RSRP1: variants seen among roughly 807,000 people sequenced by gnomAD.
RSRP1 encodes the protein arginine/serine-rich protein 1.
In RSRP1, 37 loss-of-function variants were observed where a neutral mutation model predicts 33.0. That is an observed-to-expected ratio of 1.12 (90% CI 0.86 to 1.48). RSRP1 has a LOEUF of 1.48. Ranked by LOEUF, RSRP1 falls within the 40% of genes most tolerant of loss-of-function variation. The pLI, the probability that RSRP1 is intolerant of heterozygous loss-of-function variation, is 0.00. For synonymous variants in RSRP1, 167 were observed against 158.7 expected, an observed-to-expected ratio of 1.05 and a Z score of -0.40; for missense variants, 402 against 385.3, an observed-to-expected ratio of 1.04 and a Z score of -0.36.
Position 25,272,800 on chromosome 1 carries a change from C to G in RSRP1, c.-66-25771G>C, listed in dbSNP as rs191342237. 171 of 1,279,584 alleles carry G rather than the reference C, an allele frequency of 1.3e-4. 18 individuals are homozygous for G. In the African/African-American group the frequency reaches 2.3e-3, roughly 17 times the overall value. 79.3% of individuals were successfully genotyped at this position (1,279,584 alleles called of 1,614,324 possible). A position where few individuals can be genotyped will look rare whatever the true frequency, so the allele number is the denominator to read the frequency against. Reference sequence around the variant, plus strand: ...ACAGATGTTCCTTTCTACAAAATCCCAAGGAAAAAGATTCCCCCATCTTCT... The same window carrying G: ...ACAGATGTTCCTTTCTACAAAATCCGAAGGAAAAAGATTCCCCCATCTTCT... On this transcript the variant is annotated intron_variant, in intron 1 of 1. Coordinates refer to the RSRP1 transcript ENST00000561867.
At chr1:25,251,539 T>C (rs1373349553), upstream of RSRP1, among the ~76,000 whole-genome samples, 1 of 152,034 alleles carries the variant, frequency 6.6e-6, no homozygotes, top group Non-Finnish European at 1.5e-5. Flanking sequence ...CTGGCTTATT[T>C]TGTATTTTTA....
rs1461250189 is a variant in RSRP1 at position 25,267,436 on chromosome 1, A to T, written c.-66-20407T>A. ...AGAAACCCTGCCTTAAACAAACAAC[A>T]AAGAAAAGCCAAGTCCCATAAGTGG... is the stretch of plus-strand genomic sequence containing the variant. On this transcript the variant is annotated intron_variant, in intron 1 of 1. Transcript: ENST00000561867. Among the ~76,000 whole-genome samples the T allele has an allele frequency of 7.1e-5, 9 of 126,126 alleles. 3 individuals are homozygous for T. The highest frequency in any genetic ancestry group is 1.7e-4 in the Non-Finnish European group (9 of 53,956). 82.7% of individuals were successfully genotyped at this position (126,126 alleles called of 152,430 possible).
In RSRP1 at chr1:25,246,522, G is replaced by T; in HGVS notation, c.442C>A (p.Pro148Thr). The change falls in exon 2 of 5, where the codon CCG becomes ACG. Residue 148 changes from proline to threonine, a missense_variant. Pro to Thr is a conservative substitution (Grantham distance 38). Transcript: ENST00000243189. ...TCCCTCCATCTGCTGTGCTCCTCCG[G>T]GTACACTGTGCGACCAAAGCCGTAG... ...RYYGFGRTVY[P>T]EEHSRWRDRS... 1 of 1,614,238 alleles carries T rather than the reference G, an allele frequency of 6.2e-7. No individual in the cohort carries two copies. Among genetic ancestry groups the T allele is most frequent in the South Asian group, 1.1e-5 (1 of 91,088 alleles).
rs1304691671 is a variant in RSRP1 at position 25,283,320 on chromosome 1, C to G, written c.-66-36291G>C. On this transcript the variant is annotated intron_variant, in intron 1 of 1. Coordinates refer to the RSRP1 transcript ENST00000561867. ...CCGAGGTGGGCAGATCACTTGAGGT[C>G]AGGAGTTCGAGACCAGCTTGGCCAA... Among the ~76,000 whole-genome samples, 19 of 131,724 alleles carry G rather than the reference C, an allele frequency of 1.4e-4. 1 individual carries two copies. The highest frequency in any genetic ancestry group is 4.9e-4 in the African/African-American group (19 of 38,584). The allele number at this position is 131,724 out of a possible 152,430, so 86.4% of individuals were successfully genotyped here.
intron 1 of RSRP1, among the ~76,000 whole-genome samples, chr1:25,315,728 C>T (rs1644405850): frequency 1.5e-5 from 2 of 129,896 alleles, no homozygotes; most frequent in South Asian, 2.4e-4. Context: ...CATCTCCTGA[C>T]CTCATGATCT....
intron 1 of RSRP1, among the ~76,000 whole-genome samples, chr1:25,291,223 C>A (rs1642477147): frequency 7.7e-6 from 1 of 129,378 alleles, no homozygotes; most frequent in African/African-American, 2.7e-5. Context: ...AATCCCAGCA[C>A]TTTGGGAGGC....
Position 25,246,592 on chromosome 1 carries a change from C to T in RSRP1, c.372G>A (p.Arg124=). Residue 124 remains arginine, a synonymous_variant, in exon 2 of 5, where the codon AGG becomes AGA. Coordinates refer to ENST00000243189, the MANE Select transcript of RSRP1 (RefSeq NM_020317.5). ...TCGCGTACGCCCTTCCGCAGTACGA[C>T]CTTCCCCGAGAGCGCGACCTGCTAC... ...RSRSRSRSRG[R]SYCGRAYAIA... The T allele has an allele frequency of 6.2e-7, 1 of 1,614,170 alleles. No individual in the cohort carries two copies. Among genetic ancestry groups the T allele is most frequent in the Non-Finnish European group, 8.5e-7 (1 of 1,180,044 alleles).
At position 25,299,970 on chromosome 1, in the gene RSRP1, G is replaced by A. The variant is rs1309618215; in HGVS notation, c.-67+38008C>T. Among the ~76,000 whole-genome samples, 5 of 130,420 alleles carry A rather than the reference G, an allele frequency of 3.8e-5. 2 individuals are homozygous for A. Among genetic ancestry groups the A allele is most frequent in the Non-Finnish European group, 9.0e-5 (5 of 55,372 alleles). 85.6% of individuals were successfully genotyped at this position (130,420 alleles called of 152,430 possible). Reference sequence around the variant, plus strand: ...TTGCCATGTTGGCCAGGCTGGTATCGAACTCCTGACCTCAGGTGATCCACC... The same window carrying A: ...TTGCCATGTTGGCCAGGCTGGTATCAAACTCCTGACCTCAGGTGATCCACC... On this transcript the variant is annotated intron_variant, in intron 1 of 1. Transcript: ENST00000561867.
intron 1 of RSRP1, among the ~76,000 whole-genome samples, chr1:25,263,428 T>C (rs1640221751): frequency 6.6e-6 from 1 of 151,602 alleles, no homozygotes; most frequent in Non-Finnish European, 1.5e-5. Flanking sequence ...CGAAAGGCAA[T>C]GAGGAGCAAG....
intron 1 of RSRP1, chr1:25,284,631 C>A (rs1264026671): frequency 7.2e-7 from 1 of 1,388,968 alleles, no homozygotes; most frequent in African/African-American, 1.4e-5. Context: ...CCTCGAGTTT[C>A]CGGAGACACA....
chr1:25,270,720 T>G (rs1640474125), intron 1 of RSRP1, among the ~76,000 whole-genome samples: 1 of 132,548 alleles, frequency 7.5e-6, no homozygotes, highest in African/African-American at 2.6e-5. Context: ...TTACTAGCCC[T>G]GTGACCTTGA....
At chr1:25,279,054 G>T (rs1050042926) in intron 1 of RSRP1, among the ~76,000 whole-genome samples, 1 of 129,890 alleles carries the variant, frequency 7.7e-6, no homozygotes, top group Non-Finnish European at 1.8e-5. Context: ...GTGGGAGGGG[G>T]CGCAGATCCA....
upstream of RSRP1, among the ~76,000 whole-genome samples, chr1:25,251,245 G>C (rs1479653506): frequency 1.3e-5 from 2 of 152,000 alleles, no homozygotes; most frequent in Non-Finnish European, 2.9e-5. Flanking sequence ...ACTTTAATCT[G>C]GTGAGACTCC....
intron 1 of RSRP1, chr1:25,301,153 G>C (rs1489067933): frequency 7.6e-7 from 1 of 1,320,458 alleles, no homozygotes; most frequent in East Asian, 2.2e-5. Context: ...GCTCAGAAAA[G>C]GCTCTGGCTG....
At chr1:25,307,417 T>A (rs1231940770) in intron 1 of RSRP1, among the ~76,000 whole-genome samples, 2 of 131,850 alleles carry the variant, frequency 1.5e-5, no homozygotes, top group Non-Finnish European at 3.6e-5. Context: ...TTATATAAAA[T>A]GAAAAAGTGA....
At chr1:25,244,618 A>C (rs1557482724) in intron 3 of RSRP1, 2 of 1,254,948 alleles carry the variant, frequency 1.6e-6, no homozygotes, top group Non-Finnish European at 2.1e-6. Flanking sequence ...AAAAACTAGT[A>C]ATAGAAATCA....
In RSRP1 at chr1:25,282,811, C is replaced by T. The variant is rs1471471767; in HGVS notation, c.-66-35782G>A. Among the ~76,000 whole-genome samples, 2 of 130,054 alleles carry T rather than the reference C, an allele frequency of 1.5e-5. 1 individual carries two copies. The highest frequency in any genetic ancestry group is 5.2e-5 in the African/African-American group (2 of 38,150). 85.3% of individuals were successfully genotyped at this position (130,054 alleles called of 152,430 possible). A position where few individuals can be genotyped will look rare whatever the true frequency, so the allele number is the denominator to read the frequency against. ...ACAGGAGGCTGAAGCACAAGAATCA[C>T]TTGAACCCGGGAGGTGGAGGTTGCA... is the stretch of plus-strand genomic sequence containing the variant. On this transcript the variant is annotated intron_variant, in intron 1 of 1. Coordinates refer to the RSRP1 transcript ENST00000561867.
rs397844050 is a variant in RSRP1 at position 25,332,671 on chromosome 1, C to T, written c.-67+5307G>A. On this transcript the variant is annotated intron_variant, in intron 1 of 1. Coordinates refer to the RSRP1 transcript ENST00000561867. ...CCTAAGATACAGCAGTAAACAAATG[C>T]ATAAAGTCCCTGTCCCCATGAAACT... is the stretch of plus-strand genomic sequence containing the variant. Among the ~76,000 whole-genome samples, 3 of 132,356 alleles carry T rather than the reference C, an allele frequency of 2.3e-5. 1 individual carries two copies. The highest frequency in any genetic ancestry group is 7.4e-5 in the Admixed American group (1 of 13,576). 86.8% of individuals were successfully genotyped at this position (132,356 alleles called of 152,430 possible).
Position 25,299,663 on chromosome 1 carries a change from C to T in RSRP1, c.-67+38315G>A, listed in dbSNP as rs546524457. 1.8e-4 allele frequency among the ~76,000 whole-genome samples: 23 copies of T among 131,366 alleles called. 4 individuals carry two copies. The highest frequency in any genetic ancestry group is 1.0e-3 in the Admixed American group (14 of 13,558). 86.2% of individuals were successfully genotyped at this position (131,366 alleles called of 152,430 possible). A position where few individuals can be genotyped will look rare whatever the true frequency, so the allele number is the denominator to read the frequency against. On this transcript the variant is annotated intron_variant, in intron 1 of 1. Transcript: ENST00000561867. ...CAGGTGAGAGTGGATCCTGCAGGGT[C>T]GTGGCAAGAACCTGGACCTTGACTT...
Sources: allele counts gnomAD v4.1 joint callset (sites outside exome capture counted in the v4.1 genomes callset), GRCh38; gene constraint gnomAD v4.1.1; transcripts MANE v1.5; gene names NCBI Gene and HGNC (gene_info 2026-07-23, HGNC 2026-07-21).